Variants in ELAVL2 observed in about 807,000 individuals in gnomAD.
ELAVL2 encodes the protein ELAV-like protein 2.
Under a neutral mutation model 34.6 loss-of-function variants are expected in ELAVL2, and 4 were observed. That is an observed-to-expected ratio of 0.12 (90% CI 0.06 to 0.26). ELAVL2 has a LOEUF of 0.26. ELAVL2 is among the 10% of genes least tolerant of loss of function. ELAVL2 has a pLI of 1.00. For synonymous variants in ELAVL2, 193 were observed against 154.8 expected, an observed-to-expected ratio of 1.25 and a Z score of -1.83; for missense variants, 432 against 442.8, an observed-to-expected ratio of 0.98 and a Z score of 0.22.
intron 2 of ELAVL2, among the ~76,000 whole-genome samples, chr9:23,759,180 A>G (rs965653754): frequency 5.3e-5 from 8 of 152,104 alleles, no homozygotes; most frequent in Non-Finnish European, 8.8e-5. Context: ...ATGTCCATCA[A>G]CCAATAAATG....
chr9:23,775,609 T>C (rs1191518873), intron 1 of ELAVL2, among the ~76,000 whole-genome samples: 1 of 152,052 alleles, frequency 6.6e-6, no homozygotes, highest in African/African-American at 2.4e-5. Context: ...AGCACTCCAC[T>C]ACTATCTCTT....
At position 23,691,665 on chromosome 9, in the gene ELAVL2, C is replaced by T. The variant is rs1296405076; in HGVS notation, c.*892G>A. On this transcript the variant is annotated 3_prime_UTR_variant, in exon 7 of 7. Transcript: ENST00000397312. ...TGATCAGACGCTCCACTGGTGATTA[C>T]AAAAATGAAACCAGCAGTGTTTCCC... 6.6e-6 allele frequency: 1 copy of T among 152,518 alleles called. No homozygotes were observed. The highest frequency in any genetic ancestry group is 2.4e-5 in the African/African-American group (1 of 41,424). 9.4% of individuals were successfully genotyped at this position (152,518 alleles called of 1,614,324 possible). A position where few individuals can be genotyped will look rare whatever the true frequency, so the allele number is the denominator to read the frequency against.
At chr9:23,693,352 C>T in intron 6 of ELAVL2, 96 bp downstream of exon 6, 1 of 1,484,706 alleles carries the variant, frequency 6.7e-7, no homozygotes, top group Non-Finnish European at 9.2e-7. Flanking sequence ...TAAAACCCAA[C>T]AAAAACTTAT....
chr9:23,814,722 T>A (rs764689647), intron 1 of ELAVL2, among the ~76,000 whole-genome samples: 64 of 152,142 alleles, frequency 4.2e-4, no homozygotes, highest in Non-Finnish European at 5.9e-4. Flanking sequence ...GTTGTATATT[T>A]AACACATTCT....
intron 5 of ELAVL2, among the ~76,000 whole-genome samples, chr9:23,697,029 G>A (rs73654351): frequency 0.033 from 4,974 of 152,054 alleles, 133 homozygotes; most frequent in South Asian, 0.081. Context: ...TGCCTCCCTG[G>A]GGGAAGACTG....
At chr9:23,775,899 T>C (rs1013238035) in intron 1 of ELAVL2, among the ~76,000 whole-genome samples, 3 of 152,216 alleles carry the variant, frequency 2.0e-5, no homozygotes, top group Admixed American at 6.5e-5. Flanking sequence ...GGAAGCCTTC[T>C]GTGAACCACT....
At chr9:23,697,050 G>C (rs1427353929) in intron 5 of ELAVL2, among the ~76,000 whole-genome samples, 1 of 152,124 alleles carries the variant, frequency 6.6e-6, no homozygotes, top group Non-Finnish European at 1.5e-5. Flanking sequence ...AGCAATCATC[G>C]AAGGGGAGAG....
At chr9:23,829,318 C>T (rs1044772181), upstream of ELAVL2, among the ~76,000 whole-genome samples, 2 of 152,140 alleles carry the variant, frequency 1.3e-5, no homozygotes, top group Admixed American at 6.5e-5. Context: ...TAAGAATATG[C>T]AAAGCTGTTG....
chr9:23,726,743 A>C (rs964146609), intron 3 of ELAVL2, among the ~76,000 whole-genome samples: 3 of 152,146 alleles, frequency 2.0e-5, no homozygotes, highest in Admixed American at 1.3e-4. Flanking sequence ...TCATGAATTT[A>C]AGTCTGACAC....
upstream of ELAVL2, among the ~76,000 whole-genome samples, chr9:23,828,148 G>A (rs1329038): frequency 0.032 from 4,877 of 151,952 alleles, 154 homozygotes; most frequent in African/African-American, 0.076. Flanking sequence ...TGGGTTTGTA[G>A]TCATCTTCCT....
At chr9:23,752,272 TG>T (rs2052286871) in intron 2 of ELAVL2, among the ~76,000 whole-genome samples, 1 of 152,066 alleles carries the variant, frequency 6.6e-6, no homozygotes, top group African/African-American at 2.4e-5. Flanking sequence ...GTGGCTAGGC[TG>T]GAATTGGAAC....
intron 1 of ELAVL2, among the ~76,000 whole-genome samples, chr9:23,790,505 T>G (rs1263370476): frequency 6.6e-6 from 1 of 152,158 alleles, no homozygotes; most frequent in Non-Finnish European, 1.5e-5. Flanking sequence ...CACTAAAAAC[T>G]TGAAGGAAGT....
chr9:23,831,352 C>T, the ELAVL2 span: 3 of 152,496 alleles, frequency 2.0e-5, no homozygotes, highest in Non-Finnish European at 4.4e-5. Context: ...CCTGGCCCTC[C>T]CCGTCTTCCT....
intron 5 of ELAVL2, among the ~76,000 whole-genome samples, chr9:23,696,298 A>G (rs1012608): frequency 0.33 from 49,921 of 151,738 alleles, 9,550 homozygotes; most frequent in African/African-American, 0.52. Flanking sequence ...AGAAAAGGCA[A>G]CGGGTGCTCT....
At position 23,805,610 on chromosome 9, in the gene ELAVL2, T is replaced by C. The variant is rs139112648; in HGVS notation, c.-16+20196A>G. 8.9e-4 allele frequency among the ~76,000 whole-genome samples: 136 copies of C among 152,338 alleles called. No individual in the cohort carries two copies. The Middle Eastern group carries it at 0.01, about 11-fold the overall frequency. ...CATGCACGAGCATGAGCTTGGCATA[T>C]ACCACAGGAGAACCTGGCCCAATAA... On this transcript the variant is annotated intron_variant, in intron 1 of 6. Transcript: ENST00000397312.
chr9:23,777,020 C>T (rs2058316238), intron 1 of ELAVL2, among the ~76,000 whole-genome samples: 1 of 152,138 alleles, frequency 6.6e-6, no homozygotes, highest in East Asian at 1.9e-4. Flanking sequence ...TACCCATTTC[C>T]TGTTACAACT....
chr9:23,730,991 G>T (rs370714450), intron 3 of ELAVL2, 31 bp downstream of exon 3: 5 of 1,574,506 alleles, frequency 3.2e-6, no homozygotes, highest in Non-Finnish European at 4.3e-6. Context: ...CTTCTGTTCC[G>T]CAAGTAGATA....
intron 3 of ELAVL2, among the ~76,000 whole-genome samples, chr9:23,723,110 T>C (rs957383136): frequency 2.0e-5 from 3 of 152,204 alleles, no homozygotes; most frequent in East Asian, 1.9e-4. Flanking sequence ...TTTGAGTTCA[T>C]TGTAGATTCT....
chr9:23,768,453 T>G (rs900929292), intron 1 of ELAVL2, among the ~76,000 whole-genome samples: 2 of 152,128 alleles, frequency 1.3e-5, no homozygotes, highest in African/African-American at 4.8e-5. Flanking sequence ...CTTTTTTTTT[T>G]TTTTTTACTT....
Sources: allele counts gnomAD v4.1 joint callset (sites outside exome capture counted in the v4.1 genomes callset), GRCh38; gene constraint gnomAD v4.1.1; transcripts MANE v1.5; gene names NCBI Gene and HGNC (gene_info 2026-07-23, HGNC 2026-07-21).